Variants in NUP42 observed in about 807,000 individuals in gnomAD.
NUP42 encodes the protein nucleoporin NUP42.
In NUP42, 47 loss-of-function variants were observed where a neutral mutation model predicts 35.9. That is an observed-to-expected ratio of 1.31 (90% confidence interval 1.04 to 1.67). The LOEUF (loss-of-function observed/expected upper bound fraction) is 1.67. NUP42 is among the 40% of genes most tolerant of loss of function. The probability of loss-of-function intolerance (pLI) is 0.00; values close to 1 mark genes in which losing one functional copy is unlikely to be tolerated. For synonymous variants in NUP42, 173 were observed against 173.3 expected (o/e 1.00, Z 0.01); for missense variants, 514 against 492.2 (o/e 1.04, Z -0.42).
At chr7:23,192,639 A>G in intron 3 of NUP42, among the ~76,000 whole-genome samples, 1 of 152,100 alleles carries the variant, frequency 6.6e-6, no homozygotes, top group East Asian at 1.9e-4. Context: ...AAAAGTCTTC[A>G]TCCTTATTGT....
intron 3 of NUP42, chr7:23,195,631 C>T: frequency 2.2e-5 from 9 of 407,596 alleles, no homozygotes; most frequent in South Asian, 4.6e-5. Flanking sequence ...GAAAATCTTC[C>T]CCATTTAAAG....
At position 23,182,217 on chromosome 7, in the gene NUP42, T is replaced by G. The variant is rs896872433; in HGVS notation, c.121+11T>G. ...AGCAGCAGCCTTCAGGTGACTCTCC[T>G]CTGAATCCTCCGCGGTAACCGAGCC... On this transcript the variant is annotated intron_variant, in intron 1 of 6. Transcript: ENST00000258742. 6.3e-7 allele frequency: 1 copy of G among 1,599,296 alleles called. No homozygotes were observed. Among genetic ancestry groups the G allele is most frequent in the African/African-American group, 1.3e-5 (1 of 74,582 alleles).
chr7:23,182,315 C>G (rs969397262), intron 1 of NUP42, 109 bp downstream of exon 1: 1 of 1,495,604 alleles, frequency 6.7e-7, no homozygotes, highest in African/African-American at 1.4e-5. Context: ...GTGCCCGCGT[C>G]GCGGCCTTGC....
intron 1 of NUP42, among the ~76,000 whole-genome samples, chr7:23,183,344 C>A (rs1387383243): frequency 2.6e-5 from 4 of 152,074 alleles, no homozygotes; most frequent in Admixed American, 2.0e-4. Context: ...CTCAGTCTCC[C>A]GAGTAGCTGG....
At chr7:23,189,301 A>G (rs909362161) in intron 3 of NUP42, among the ~76,000 whole-genome samples, 7 of 152,260 alleles carry the variant, frequency 4.6e-5, no homozygotes, top group Admixed American at 3.3e-4. Context: ...ATCTCTTCTG[A>G]TTAAATGGAT....
At chr7:23,195,762 C>G in intron 3 of NUP42, 77 bp from the exon 4 acceptor site, 1 of 873,792 alleles carries the variant, frequency 1.1e-6, no homozygotes. Flanking sequence ...TAGATATTTT[C>G]TTGTTTAGCA....
chr7:23,182,094 T>C lies in NUP42; in HGVS notation c.9T>C (p.Ile3=), dbSNP rs748711759. 6.2e-7 allele frequency: 1 copy of C among 1,613,876 alleles called. No homozygotes were observed. The highest frequency in any genetic ancestry group is 2.2e-5 in the East Asian group (1 of 44,886). ...TCAGCGACGCCGTCGCAATGGCCATTTGTCAATTCTTCCTTCAAGGCCGGT... is the reference window on the plus strand; with the variant it reads ...TCAGCGACGCCGTCGCAATGGCCATCTGTCAATTCTTCCTTCAAGGCCGGT... The part of the protein sequence containing the change: MA[I]CQFFLQGRCR... Residue 3 remains isoleucine, a synonymous_variant, in exon 1 of 7, where the codon ATT becomes ATC. Coordinates refer to ENST00000258742, the MANE Select transcript of NUP42 (RefSeq NM_007342.3).
chr7:23,189,259 A>G (rs1390456307), intron 3 of NUP42, among the ~76,000 whole-genome samples: 1 of 152,246 alleles, frequency 6.6e-6, no homozygotes, highest in East Asian at 1.9e-4. Context: ...AAACTTTGTC[A>G]TCGTGAGCAT....
chr7:23,193,432 A>G (rs1348801933), intron 3 of NUP42, among the ~76,000 whole-genome samples: 1 of 152,080 alleles, frequency 6.6e-6, no homozygotes, highest in Non-Finnish European at 1.5e-5. Context: ...CCAAGTCCCC[A>G]CTAGATTAGC....
At position 23,185,090 on chromosome 7, in the gene NUP42, A is replaced by C. The variant is rs772483622; in HGVS notation, c.142A>C (p.Asn48His). Residue 48 changes from asparagine to histidine, a missense_variant, in exon 2 of 7, where the codon AAT becomes CAT. Coordinates refer to ENST00000258742, the MANE Select transcript of NUP42 (RefSeq NM_007342.3). ...QPSGNNRRGW[N>H]TTSQRYSNVI... ...TTTAGGTAATAATAGACGTGGATGG[A>C]ATACAACTAGCCAGAGATATTCCAA... The C allele has an allele frequency of 6.2e-7, 1 of 1,613,922 alleles. No homozygotes were observed. Among genetic ancestry groups the C allele is most frequent in the Non-Finnish European group, 8.5e-7 (1 of 1,179,844 alleles).
At chr7:23,199,253 T>G (rs1786122374) in intron 5 of NUP42, among the ~76,000 whole-genome samples, 1 of 152,150 alleles carries the variant, frequency 6.6e-6, no homozygotes, top group Non-Finnish European at 1.5e-5. Context: ...GGTCTCGCTG[T>G]GTTGCTGAGG....
chr7:23,193,878 G>T (rs60364994), intron 3 of NUP42, among the ~76,000 whole-genome samples: 1 of 152,236 alleles, frequency 6.6e-6, no homozygotes, highest in Non-Finnish European at 1.5e-5. Context: ...GCCCTGCCCC[G>T]CAGGGAGGCA....
Position 23,185,110 on chromosome 7 carries a change from T to G in NUP42, c.162T>G (p.Tyr54Ter), listed in dbSNP as rs989185325. 6.2e-7 allele frequency: 1 copy of G among 1,614,050 alleles called. No individual in the cohort carries two copies. Among genetic ancestry groups the G allele is most frequent in the African/African-American group, 1.3e-5 (1 of 74,916 alleles). ...GATGGAATACAACTAGCCAGAGATATTCCAATGTCATCCAGCCATCCAGTT... is the reference window on the plus strand; with the variant it reads ...GATGGAATACAACTAGCCAGAGATAGTCCAATGTCATCCAGCCATCCAGTT... ...RRGWNTTSQR[Y>*]SNVIQPSSFS... Residue 54 changes from tyrosine to a stop codon, truncating the protein, a stop_gained, in exon 2 of 7, where the codon TAT becomes TAG. Transcript: ENST00000258742. LOFTEE classifies it high-confidence loss of function.
intron 1 of NUP42, among the ~76,000 whole-genome samples, chr7:23,184,330 A>T (rs754042497): frequency 6.6e-6 from 1 of 152,188 alleles, no homozygotes; most frequent in African/African-American, 2.4e-5. Flanking sequence ...CTTTAATTCA[A>T]TGTCCATTTT....
intron 5 of NUP42, 41 bp from the exon 6 acceptor site, chr7:23,199,417 T>C (rs1003691500): frequency 1.3e-6 from 2 of 1,485,492 alleles, no homozygotes; most frequent in African/African-American, 2.8e-5. Context: ...TGGAGCACTA[T>C]TCATCAAGCA....
chr7:23,187,959 G>C (rs1256192832), intron 3 of NUP42: 1 of 619,872 alleles, frequency 1.6e-6, no homozygotes, highest in Non-Finnish European at 2.7e-6. Flanking sequence ...TCTCTGGCCT[G>C]GAATAGCATT....
In NUP42 at chr7:23,200,848, A is replaced by ATAC; in HGVS notation, c.*103_*104insTAC. On this transcript the variant is annotated 3_prime_UTR_variant, in exon 7 of 7. Coordinates refer to ENST00000258742, the MANE Select transcript of NUP42 (RefSeq NM_007342.3). ...ACATGTATATATTCATAAGGAATAT[A>ATAC]AGCTTCCATCAATAGTGATTTTAAA... is the stretch of plus-strand genomic sequence containing the variant. 4 of 566,414 alleles carry ATAC rather than the reference A, an allele frequency of 7.1e-6. No individual in the cohort carries two copies. The highest frequency in any genetic ancestry group is 8.2e-6 in the Non-Finnish European group (3 of 367,286). 35.1% of individuals were successfully genotyped at this position (566,414 alleles called of 1,614,324 possible).
At chr7:23,189,016 T>G (rs969497242) in intron 3 of NUP42, among the ~76,000 whole-genome samples, 8 of 152,320 alleles carry the variant, frequency 5.3e-5, no homozygotes, top group African/African-American at 1.9e-4. Flanking sequence ...ACGCACCTTT[T>G]TAGTATTCTG....
In NUP42 at chr7:23,198,051, A is replaced by G. The variant is rs376741421; in HGVS notation, c.609+1285A>G. ...ATCACAAGGTCAGGAGTTTAAGACCAGCCTGACCAACATGGTGAAACCCGG... is the reference window on the plus strand; with the variant it reads ...ATCACAAGGTCAGGAGTTTAAGACCGGCCTGACCAACATGGTGAAACCCGG... On this transcript the variant is annotated intron_variant, in intron 5 of 6. Coordinates refer to ENST00000258742, the MANE Select transcript of NUP42 (RefSeq NM_007342.3). Among the ~76,000 whole-genome samples, 53 of 152,162 alleles carry G rather than the reference A, an allele frequency of 3.5e-4. No homozygotes were observed. The East Asian group carries it at 7.2e-3, about 21-fold the overall frequency.
Sources: allele counts gnomAD v4.1 joint callset (sites outside exome capture counted in the v4.1 genomes callset), GRCh38; gene constraint gnomAD v4.1.1; transcripts MANE v1.5; gene names NCBI Gene and HGNC (gene_info 2026-07-23, HGNC 2026-07-21).